The following LINGO2 variants were observed in gnomAD, a reference collection of about 807,000 sequenced individuals.
The protein encoded by LINGO2 is leucine rich repeat and Ig domain containing 2.
LINGO2 carries 14 observed loss-of-function variants against 30.6 expected under a neutral mutation model. The ratio of observed to expected loss-of-function variants is 0.46; its 90% CI spans 0.30 to 0.72. The LOEUF (loss-of-function observed/expected upper bound fraction) is 0.72, where lower values mean the gene tolerates loss of function less well. Among genes scored for constraint, LINGO2 ranks in the 30% least tolerant of loss-of-function variants. The pLI, the probability that LINGO2 is intolerant of heterozygous loss-of-function variation, is 0.07. For synonymous variants in LINGO2, 317 were observed against 288.5 expected, an observed-to-expected ratio of 1.10 and a Z score of -1.00; for missense variants, 729 against 751.7, an observed-to-expected ratio of 0.97 and a Z score of 0.35.
At chr9:29,021,726 A>G in the LINGO2 span, among the ~76,000 whole-genome samples, 1 of 151,186 alleles carries the variant, frequency 6.6e-6, no homozygotes, top group Admixed American at 6.6e-5. Flanking sequence ...GGAAGGAAGG[A>G]AGGAAGGAAG....
chr9:29,052,896 C>A, the LINGO2 span, among the ~76,000 whole-genome samples: 1 of 152,038 alleles, frequency 6.6e-6, no homozygotes, highest in Non-Finnish European at 1.5e-5. Context: ...GCAGAAAAAT[C>A]CTTAAAGAAA....
intron 2 of LINGO2, among the ~76,000 whole-genome samples, chr9:28,376,615 C>T (rs1237680455): frequency 6.6e-6 from 1 of 152,168 alleles, no homozygotes; most frequent in Non-Finnish European, 1.5e-5. Flanking sequence ...GCAGCTCATG[C>T]TAATGACTGA....
intron 4 of LINGO2, among the ~76,000 whole-genome samples, chr9:28,045,854 G>T (rs10968302): frequency 0.026 from 3,987 of 152,266 alleles, 85 homozygotes; most frequent in East Asian, 0.076. Context: ...TCCTAGCTAT[G>T]AGAAACTACA....
the LINGO2 span, among the ~76,000 whole-genome samples, chr9:29,190,186 T>C: frequency 6.6e-6 from 1 of 152,316 alleles, no homozygotes; most frequent in South Asian, 2.1e-4. Context: ...TAAAGAGCAG[T>C]CAGTGTTGAA....
intron 4 of LINGO2, among the ~76,000 whole-genome samples, chr9:28,052,642 C>T (rs766651532): frequency 1.3e-5 from 2 of 152,060 alleles, no homozygotes; most frequent in Non-Finnish European, 2.9e-5. Context: ...AAAGATGAAA[C>T]CAGCAAATCC....
chr9:29,161,498 T>G, the LINGO2 span, among the ~76,000 whole-genome samples: 2,783 of 152,302 alleles, frequency 0.018, 80 homozygotes, highest in African/African-American at 0.064. Context: ...GTCTCAAAAT[T>G]TTCCTGTAGA....
intron 3 of LINGO2, among the ~76,000 whole-genome samples, chr9:28,354,089 G>T (rs10757732): frequency 3.3e-5 from 5 of 152,034 alleles, no homozygotes; most frequent in African/African-American, 1.2e-4. Flanking sequence ...CCAGCATGGC[G>T]CATGTATACA....
At chr9:28,207,164 G>C (rs1212479983) in intron 4 of LINGO2, among the ~76,000 whole-genome samples, 1 of 151,896 alleles carries the variant, frequency 6.6e-6, no homozygotes, top group Non-Finnish European at 1.5e-5. Context: ...CTTTAAATAC[G>C]GTAATTTTTA....
chr9:29,183,534 C>A, the LINGO2 span, among the ~76,000 whole-genome samples: 1 of 152,084 alleles, frequency 6.6e-6, no homozygotes, highest in Non-Finnish European at 1.5e-5. Context: ...TTTGGAGTCT[C>A]TATTATCTGA....
chr9:28,823,089 T>A, the LINGO2 span, among the ~76,000 whole-genome samples: 23 of 152,250 alleles, frequency 1.5e-4, no homozygotes, highest in African/African-American at 5.1e-4. Context: ...GAGAGGTAAA[T>A]TTCTCAGAGT....
chr9:28,572,916 T>C (rs1182241210), intron 1 of LINGO2, among the ~76,000 whole-genome samples: 1 of 152,144 alleles, frequency 6.6e-6, no homozygotes, highest in Non-Finnish European at 1.5e-5. Context: ...GATTGCTTTA[T>C]AAAGATGCCA....
At chr9:28,102,864 G>A (rs1375651662) in intron 4 of LINGO2, among the ~76,000 whole-genome samples, 1 of 152,092 alleles carries the variant, frequency 6.6e-6, no homozygotes, top group Non-Finnish European at 1.5e-5. Flanking sequence ...TGGAAGCCTG[G>A]CAGTCCAGCA....
At chr9:28,848,365 G>T in the LINGO2 span, among the ~76,000 whole-genome samples, 169 of 54,902 alleles carry the variant, frequency 3.1e-3, no homozygotes, top group African/African-American at 0.011. Context: ...CACATATATT[G>T]TGTGTGTGTG....
At chr9:28,762,484 T>C in the LINGO2 span, among the ~76,000 whole-genome samples, 1 of 152,086 alleles carries the variant, frequency 6.6e-6, no homozygotes, top group Non-Finnish European at 1.5e-5. Flanking sequence ...AAAGCAAAGG[T>C]GATAATAGTC....
chr9:28,774,264 GTATAAGTTTA>G, the LINGO2 span, among the ~76,000 whole-genome samples: 1 of 152,104 alleles, frequency 6.6e-6, no homozygotes, highest in African/African-American at 2.4e-5. Flanking sequence ...AGCTATGCTA[GTATAAGTTTA>G]TATAAGACCT....
chr9:28,384,088 T>G (rs1821470160), intron 2 of LINGO2, among the ~76,000 whole-genome samples: 1 of 151,888 alleles, frequency 6.6e-6, no homozygotes, highest in African/African-American at 2.4e-5. Context: ...GTGATAAATA[T>G]TACTATATTA....
At chr9:29,159,715 G>A in the LINGO2 span, among the ~76,000 whole-genome samples, 629 of 151,976 alleles carry the variant, frequency 4.1e-3, 3 homozygotes, top group African/African-American at 0.015. Flanking sequence ...AAAATTAGCA[G>A]GGTATGGTGG....
chr9:28,661,145 A>AATATAT (rs372827051), intron 1 of LINGO2, among the ~76,000 whole-genome samples: 1 of 150,062 alleles, frequency 6.7e-6, no homozygotes, highest in African/African-American at 2.4e-5. Context: ...GATGCAGAAA[A>AATATAT]ATATATATAT....
At chr9:28,004,688 C>A (rs976274150) in intron 5 of LINGO2, among the ~76,000 whole-genome samples, 6 of 152,010 alleles carry the variant, frequency 3.9e-5, no homozygotes, top group Non-Finnish European at 8.8e-5. Flanking sequence ...ACAAAGGCAC[C>A]TGAACAAATT....
Sources: gnomAD v4.1 joint callset for allele counts (sites outside exome capture counted in the v4.1 genomes callset) on GRCh38, gnomAD v4.1.1 for gene constraint, MANE v1.5 for transcripts, NCBI Gene and HGNC (gene_info 2026-07-23, HGNC 2026-07-21) for gene names.